The following HPSE2 variants were observed in gnomAD, a reference collection of about 807,000 sequenced individuals.
HPSE2 encodes the protein heparanase 2 (inactive).
Under a neutral mutation model 60.5 loss-of-function variants are expected in HPSE2, and 38 were observed. The ratio of observed to expected loss-of-function variants is 0.63; its 90% CI spans 0.48 to 0.82. The LOEUF is 0.82. Ranked by LOEUF, HPSE2 falls within the 40% of genes least tolerant of loss-of-function variation. HPSE2 has a pLI of 0.00. For missense variants in HPSE2, 713 were observed against 740.4 expected, an observed-to-expected ratio of 0.96 and a Z score of 0.43; for synonymous variants, 295 against 293.2, an observed-to-expected ratio of 1.01 and a Z score of -0.06.
At chr10:99,068,397 A>G (rs533526179) in intron 3 of HPSE2, among the ~76,000 whole-genome samples, 8 of 152,222 alleles carry the variant, frequency 5.3e-5, no homozygotes, top group Admixed American at 2.0e-4. Flanking sequence ...ACTCACAATC[A>G]TGGCAGAAGG....
chr10:99,010,735 C>T (rs1268108317), intron 3 of HPSE2, among the ~76,000 whole-genome samples: 2 of 152,106 alleles, frequency 1.3e-5, no homozygotes, highest in Non-Finnish European at 2.9e-5. Flanking sequence ...CCCATCCTAG[C>T]CCTTACCAGC....
intron 3 of HPSE2, among the ~76,000 whole-genome samples, chr10:99,043,383 C>A (rs531335755): frequency 1.3e-5 from 2 of 152,120 alleles, no homozygotes; most frequent in Non-Finnish European, 2.9e-5. Context: ...ACTAGGGAGG[C>A]TGAGGCAGGA....
chr10:99,083,678 T>A (rs1033285406), intron 3 of HPSE2, among the ~76,000 whole-genome samples: 1 of 152,310 alleles, frequency 6.6e-6, no homozygotes, highest in Middle Eastern at 3.4e-3. Flanking sequence ...AGATCAGAAA[T>A]CTTGGTTTTA....
At chr10:99,215,217 G>A (rs943079725) in intron 2 of HPSE2, among the ~76,000 whole-genome samples, 3 of 152,048 alleles carry the variant, frequency 2.0e-5, no homozygotes, top group South Asian at 2.1e-4. Context: ...CACCAATGAC[G>A]GACATTTCTT....
At chr10:98,599,211 G>A (rs1945329742) in intron 9 of HPSE2, among the ~76,000 whole-genome samples, 1 of 152,052 alleles carries the variant, frequency 6.6e-6, no homozygotes, top group African/African-American at 2.4e-5. Context: ...GGTGCCTAAG[G>A]CTACATGTGT....
chr10:98,689,786 G>A (rs896535416), intron 6 of HPSE2, among the ~76,000 whole-genome samples: 1 of 152,192 alleles, frequency 6.6e-6, no homozygotes, highest in Non-Finnish European at 1.5e-5. Flanking sequence ...ATCAGTTTAT[G>A]ATTTTTTTGG....
At chr10:98,725,624 C>A (rs954881449) in intron 4 of HPSE2, among the ~76,000 whole-genome samples, 3 of 152,044 alleles carry the variant, frequency 2.0e-5, no homozygotes, top group East Asian at 1.9e-4. Flanking sequence ...GCAACAAAAG[C>A]CAAAATTGAC....
chr10:98,953,610 G>A (rs981549431), intron 3 of HPSE2, among the ~76,000 whole-genome samples: 1 of 152,170 alleles, frequency 6.6e-6, no homozygotes, highest in African/African-American at 2.4e-5. Context: ...GGAGTGGAAG[G>A]AGGAACTGTT....
intron 9 of HPSE2, among the ~76,000 whole-genome samples, chr10:98,523,259 C>T (rs899203195): frequency 2.0e-5 from 3 of 152,122 alleles, no homozygotes; most frequent in African/African-American, 7.2e-5. Flanking sequence ...GGCACAGTAC[C>T]AACTCAGTAA....
intron 3 of HPSE2, among the ~76,000 whole-genome samples, chr10:98,842,401 C>A (rs1338672389): frequency 1.3e-5 from 2 of 152,162 alleles, no homozygotes; most frequent in African/African-American, 4.8e-5. Flanking sequence ...AAGGGGGCAG[C>A]ATCCAGTTGG....
chr10:98,802,478 A>G (rs1292470472), intron 3 of HPSE2, among the ~76,000 whole-genome samples: 2 of 64,360 alleles, frequency 3.1e-5, no homozygotes, highest in Non-Finnish European at 5.5e-5. Context: ...CCCTCCCCCC[A>G]CCCCACAACA....
intron 3 of HPSE2, among the ~76,000 whole-genome samples, chr10:98,776,206 G>A (rs1175807930): frequency 1.3e-5 from 2 of 151,304 alleles, no homozygotes; most frequent in Non-Finnish European, 2.9e-5. Context: ...GCTGAGGCAG[G>A]TGGATCACTT....
intron 3 of HPSE2, among the ~76,000 whole-genome samples, chr10:99,028,485 G>T (rs895909119): frequency 6.6e-6 from 1 of 151,940 alleles, no homozygotes; most frequent in African/African-American, 2.4e-5. Flanking sequence ...AAATTGAAGA[G>T]GTCATCAAAG....
At chr10:99,034,616 CAT>C (rs551992001) in intron 3 of HPSE2, among the ~76,000 whole-genome samples, 93 of 152,206 alleles carry the variant, frequency 6.1e-4, no homozygotes, top group East Asian at 2.7e-3. Context: ...AAAACAGACA[CAT>C]GTGTGTATAT....
chr10:99,217,037 T>C (rs1224396659), intron 2 of HPSE2, among the ~76,000 whole-genome samples: 1 of 152,076 alleles, frequency 6.6e-6, no homozygotes, highest in African/African-American at 2.4e-5. Flanking sequence ...AAGCCTATGA[T>C]AGCCCTAGGA....
intron 6 of HPSE2, among the ~76,000 whole-genome samples, chr10:98,648,682 G>T (rs1946840113): frequency 6.6e-6 from 1 of 151,874 alleles, no homozygotes; most frequent in African/African-American, 2.4e-5. Flanking sequence ...AGAATTCGAG[G>T]TTACAGTGAG....
chr10:98,992,115 T>A (rs377448928), intron 3 of HPSE2, among the ~76,000 whole-genome samples: 16 of 152,306 alleles, frequency 1.1e-4, no homozygotes, highest in African/African-American at 3.6e-4. Context: ...GACTATATAT[T>A]CACAAAAACA....
intron 3 of HPSE2, among the ~76,000 whole-genome samples, chr10:98,876,493 G>C (rs895060033): frequency 6.6e-6 from 1 of 151,900 alleles, no homozygotes; most frequent in African/African-American, 2.4e-5. Context: ...AATATTTGTT[G>C]AATGATGAAT....
chr10:98,878,555 A>C (rs1445617004), intron 3 of HPSE2, among the ~76,000 whole-genome samples: 1 of 151,998 alleles, frequency 6.6e-6, no homozygotes, highest in Non-Finnish European at 1.5e-5. Flanking sequence ...CAAGTTGAAG[A>C]GATCCTAGTG....
Sources: allele counts gnomAD v4.1 joint callset (sites outside exome capture counted in the v4.1 genomes callset), GRCh38; gene constraint gnomAD v4.1.1; transcripts MANE v1.5; gene names NCBI Gene and HGNC (gene_info 2026-07-23, HGNC 2026-07-21).